NISCH: variants seen among roughly 807,000 people sequenced by gnomAD.
NISCH encodes the protein nischarin.
NISCH carries 55 observed loss-of-function variants against 138.4 expected under a neutral mutation model. That is an observed-to-expected ratio of 0.40 (90% CI 0.32 to 0.50). NISCH has a LOEUF of 0.50. NISCH is among the 20% of genes least tolerant of loss of function. The pLI, the probability that NISCH is intolerant of heterozygous loss-of-function variation, is 0.71. For missense variants in NISCH, 1,643 were observed against 2,005.5 expected (o/e 0.82, Z 3.45); for synonymous variants, 860 against 861.5 (o/e 1.00, Z 0.03).
chr3:52,481,665 TAGAGCAGGAGCCAGTGA>T, intron 13 of NISCH: 1 of 985,524 alleles, frequency 1.0e-6, no homozygotes, highest in Non-Finnish European at 1.2e-6. Context: ...AGTGGGCAGG[TAGAGCAGGAGCCAGTGA>T]AGAGCAGGCC....
intron 3 of NISCH, among the ~76,000 whole-genome samples, chr3:52,470,088 TA>T (rs79193522): frequency 0.011 from 1,383 of 129,792 alleles, 5 homozygotes; most frequent in African/African-American, 0.019. Flanking sequence ...TGTCTCTATT[TA>T]AAAAAAAAAA....
intron 3 of NISCH, among the ~76,000 whole-genome samples, chr3:52,464,068 C>A (rs897432077): frequency 2.0e-5 from 3 of 151,806 alleles, no homozygotes; most frequent in African/African-American, 7.3e-5. Flanking sequence ...TGTGTATTTT[C>A]TTTGGAGAAA....
At chr3:52,467,789 G>T (rs940001913) in intron 3 of NISCH, among the ~76,000 whole-genome samples, 18 of 152,312 alleles carry the variant, frequency 1.2e-4, no homozygotes, top group African/African-American at 4.1e-4. Flanking sequence ...CCAGGAAGGT[G>T]ATTTCATTTT....
chr3:52,481,692 C>G, intron 13 of NISCH: 49 of 985,508 alleles, frequency 5.0e-5, no homozygotes, highest in Non-Finnish European at 5.8e-5. Context: ...AAGAGCAGGC[C>G]CTGGATGGGT....
rs1559641345 is a variant in NISCH at position 52,487,233 on chromosome 3, G to A, written c.1741G>A (p.Gly581Arg). The change falls in exon 16 of 21, where the codon GGG becomes AGG. Residue 581 changes from glycine to arginine, a missense_variant. By Grantham distance (125) the Gly-to-Arg change is moderately radical. Coordinates refer to ENST00000345716, the MANE Select transcript of NISCH (RefSeq NM_007184.4). This position sits in a 1 kb window ranked among gnomAD's most constrained non-coding sequence, Gnocchi z 9.1. ...CGAGCCGGAGGTCCAGGTGGTGCCG[G>A]GGTCTGGCCAGATCATCTTCCTGCC... Reference protein sequence around the residue: ...HAEPEVQVVPGSGQIIFLPFT... With the variant: ...HAEPEVQVVPRSGQIIFLPFT... The A allele has an allele frequency of 1.2e-6, 2 of 1,614,000 alleles. No individual in the cohort carries two copies. The highest frequency in any genetic ancestry group is 1.7e-6 in the Non-Finnish European group (2 of 1,180,052).
chr3:52,485,895 C>T, intron 15 of NISCH, 68 bp downstream of exon 15: 1 of 1,456,048 alleles, frequency 6.9e-7, no homozygotes, highest in Non-Finnish European at 9.4e-7. Context: ...CTGCTGTGGG[C>T]CAGGGGTGGC....
chr3:52,473,700 T>G, intron 6 of NISCH, 34 bp from the exon 7 acceptor site: 1 of 1,466,406 alleles, frequency 6.8e-7, no homozygotes, highest in Non-Finnish European at 9.5e-7. Context: ...GAGCAAGGAT[T>G]CTGTTTCTGA....
intron 3 of NISCH, among the ~76,000 whole-genome samples, chr3:52,461,862 CAAA>C (rs570499799): frequency 1.4e-4 from 8 of 56,388 alleles, no homozygotes; most frequent in Admixed American, 3.9e-4. Context: ...GACTCCGTCA[CAAA>C]AAAAAAAAAA....
intron 4 of NISCH, chr3:52,471,291 G>A (rs771180067): frequency 1.1e-4 from 34 of 302,228 alleles, no homozygotes; most frequent in Non-Finnish European, 1.9e-4. Context: ...CTTCCCCCAG[G>A]AGCCACAGGT....
At chr3:52,489,866 T>TCACCACCTCCTGTGC (rs1315465914) in intron 17 of NISCH, 188 bp downstream of exon 17, 1 of 1,217,070 alleles carries the variant, frequency 8.2e-7, no homozygotes, top group Non-Finnish European at 1.1e-6. Flanking sequence ...TTGTGCTGTG[T>TCACCACCTCCTGTGC]CACCACCTCC....
chr3:52,461,129 A>G (rs1706620670), intron 3 of NISCH, among the ~76,000 whole-genome samples: 1 of 152,134 alleles, frequency 6.6e-6, no homozygotes, highest in Non-Finnish European at 1.5e-5. Flanking sequence ...AGTCCCAGCT[A>G]CTCAGGAGAG....
rs143589759 is a variant in NISCH, at chr3:52,459,388, G to C, written c.360+544G>C. On this transcript the variant is annotated intron_variant, in intron 3 of 20. Coordinates refer to ENST00000345716, the MANE Select transcript of NISCH (RefSeq NM_007184.4). ...CAACTTTCATAGGTTGCCGGTGACA[G>C]AATGCGTTGTCAGACTTTAAGAAGG... 6.6e-5 allele frequency among the ~76,000 whole-genome samples: 10 copies of C among 152,354 alleles called. No homozygotes were observed. The East Asian group carries it at 1.9e-3, about 29-fold the overall frequency.
chr3:52,478,228 G>C lies in NISCH; in HGVS notation c.1119G>C (p.Leu373=), dbSNP rs751286897. 7 of 1,614,014 alleles carry C rather than the reference G, an allele frequency of 4.3e-6. No individual in the cohort carries two copies. Among genetic ancestry groups the C allele is most frequent in the Admixed American group, 1.7e-5 (1 of 59,996 alleles). ...ACCTCCTAGAGAGTCTGAGTGGCCT[G>C]CACAAGCTCTACTCACTGGTCAACC... The part of the protein sequence containing the change: ...AGNLLESLSG[L]HKLYSLVNLD... The change falls in exon 10 of 21, where the codon CTG becomes CTC. Residue 373 remains leucine (L), a synonymous_variant. Transcript: ENST00000345716.
chr3:52,486,264 C>T (rs1246127693), intron 15 of NISCH, among the ~76,000 whole-genome samples: 6 of 152,098 alleles, frequency 3.9e-5, no homozygotes, highest in Admixed American at 6.5e-5. Flanking sequence ...CACAGGCGCA[C>T]GCCACCACGC....
rs924413766 is a variant in NISCH at position 52,492,813 on chromosome 3, C to T, written c.*331C>T. On this transcript the variant is annotated 3_prime_UTR_variant, in exon 21 of 21. Coordinates refer to ENST00000345716, the MANE Select transcript of NISCH (RefSeq NM_007184.4). ...TTCTACACGTCCTTTCCTGAAGTGT[C>T]GAGTCCAGTCCTTTGTTGCTGTTGC... 16 of 345,472 alleles carry T rather than the reference C, an allele frequency of 4.6e-5. No homozygotes were observed. Among genetic ancestry groups the T allele is most frequent in the East Asian group, 5.3e-5 (1 of 18,726 alleles). The allele number at this position is 345,472 out of a possible 1,614,324, so 21.4% of individuals were successfully genotyped here.
chr3:52,471,919 A>G lies in NISCH; in HGVS notation c.515A>G (p.Asp172Gly), dbSNP rs143979580. The G allele has an allele frequency of 8.7e-4, 1,403 of 1,612,102 alleles. 2 individuals are homozygous for G. Among genetic ancestry groups the G allele is most frequent in the Non-Finnish European group, 1.1e-3 (1,298 of 1,178,716 alleles). ...GGAAAGCCCACGTGCGCCAGTGGGG[A>G]TGCCAAGACCGACCTCGGGCACATC... The part of the protein sequence containing the change: ...QQGKPTCASG[D>G]AKTDLGHILD... The change falls in exon 5 of 21, where the codon GAT becomes GGT. Residue 172 changes from aspartate (D) to glycine (G), a missense_variant. By Grantham distance (94) the Asp-to-Gly change is moderately conservative. Coordinates refer to ENST00000345716, the MANE Select transcript of NISCH (RefSeq NM_007184.4).
Position 52,480,184 on chromosome 3 carries a change from G to T in NISCH, c.1417G>T (p.Gly473Cys). The T allele has an allele frequency of 6.2e-7, 1 of 1,613,844 alleles. No homozygotes were observed. Among genetic ancestry groups the T allele is most frequent in the Non-Finnish European group, 8.5e-7 (1 of 1,179,994 alleles). Residue 473 changes from glycine to cysteine, a missense_variant and splice_region_variant, in exon 13 of 21, where the codon GGT becomes TGT. By Grantham distance (159) the Gly-to-Cys change is radical (BLOSUM62 -3). Coordinates refer to ENST00000345716, the MANE Select transcript of NISCH (RefSeq NM_007184.4). ...GGCTGACTCAAGCACTCGTCCTCAG[G>T]GTGGTGAAGACTCCCGGCTCTCAGC... Reference protein sequence around the residue: ...KSKLSNPEKKGGEDSRLSAAP... With the variant: ...KSKLSNPEKKCGEDSRLSAAP...
At chr3:52,458,538 G>A (rs1706541515) in intron 2 of NISCH, 124 bp from the exon 3 acceptor site, 3 of 710,878 alleles carry the variant, frequency 4.2e-6, no homozygotes, top group Non-Finnish European at 7.1e-6. Context: ...CACTGATTTT[G>A]GTACTACTGC....
chr3:52,491,552 G>C, intron 20 of NISCH, 39 bp downstream of exon 20: 1 of 1,580,392 alleles, frequency 6.3e-7, no homozygotes, highest in East Asian at 2.3e-5. Context: ...AGGCTGCCTG[G>C]ACAGACGTCA....
Sources: allele counts gnomAD v4.1 joint callset (sites outside exome capture counted in the v4.1 genomes callset), GRCh38; gene constraint gnomAD v4.1.1; non-coding constraint Gnocchi (gnomAD v3.1); transcripts MANE v1.5; gene names NCBI Gene and HGNC (gene_info 2026-07-23, HGNC 2026-07-21).